THAP10: variants seen among roughly 807,000 people sequenced by gnomAD.
THAP10 encodes the protein THAP domain-containing protein 10.
THAP10 carries 10 observed loss-of-function variants against 15.7 expected under a neutral mutation model. That is an observed-to-expected ratio of 0.64 (90% CI 0.39 to 1.08). THAP10 has a LOEUF of 1.08. Ranked by LOEUF, THAP10 falls within the 50% of genes least tolerant of loss-of-function variation. The pLI, the probability that THAP10 is intolerant of heterozygous loss-of-function variation, is 0.01. For missense variants in THAP10, 310 were observed against 330.9 expected (o/e 0.94, Z 0.49); for synonymous variants, 127 against 129.1 (o/e 0.98, Z 0.11).
intron 1 of THAP10, among the ~76,000 whole-genome samples, chr15:70,885,381 C>T (rs1440398711): frequency 6.6e-6 from 1 of 152,122 alleles, no homozygotes; most frequent in Admixed American, 6.5e-5. Flanking sequence ...TACAAAAGTA[C>T]TATAAACCCT....
At position 70,884,301 on chromosome 15, in the gene THAP10, G is replaced by A. The variant is rs143183931; in HGVS notation, c.430-1393C>T. ...GCCTCCCAGCACTTCGGGAGGCTGA[G>A]GCAGGAAGATCACTTGAGGTCAGGA... On this transcript the variant is annotated intron_variant, in intron 1 of 2. Transcript: ENST00000249861. Among the ~76,000 whole-genome samples, 26 of 152,232 alleles carry A rather than the reference G, an allele frequency of 1.7e-4. No individual in the cohort carries two copies. In the East Asian group the frequency reaches 5.0e-3, roughly 29 times the overall value.
chr15:70,882,243 A>G lies in THAP10; in HGVS notation c.*211T>C, dbSNP rs1407978479. ...ACCAAAAGGATTAAAAGAAAAAAAA[A>G]GGTGAAAGTAGAGAATAGGGATGTT... On this transcript the variant is annotated 3_prime_UTR_variant, in exon 3 of 3. Transcript: ENST00000249861. 2.3e-6 allele frequency: 1 copy of G among 430,574 alleles called. No individual in the cohort carries two copies. Among genetic ancestry groups the G allele is most frequent in the Admixed American group, 3.9e-5 (1 of 25,666 alleles). 26.7% of individuals were successfully genotyped at this position (430,574 alleles called of 1,614,324 possible).
intron 1 of THAP10, 88 bp downstream of exon 1, chr15:70,891,756 T>G (rs2141093200): frequency 4.9e-5 from 59 of 1,214,192 alleles, no homozygotes; most frequent in Non-Finnish European, 6.2e-5. Flanking sequence ...ACTTTCGAGA[T>G]GAGGTGCCTT....
chr15:70,887,544 G>C (rs1389658683), intron 1 of THAP10, among the ~76,000 whole-genome samples: 3 of 152,018 alleles, frequency 2.0e-5, no homozygotes, highest in Non-Finnish European at 1.5e-5. Flanking sequence ...ACAACCATTT[G>C]ATAAAATTCA....
Position 70,886,331 on chromosome 15 carries a change from C to T in THAP10, c.430-3423G>A, listed in dbSNP as rs572249054. ...CAGGACCCAGATTTTCCTCTATCAACACCACTTTACTGAATTCTACATTTG... is the reference window on the plus strand; with the variant it reads ...CAGGACCCAGATTTTCCTCTATCAATACCACTTTACTGAATTCTACATTTG... On this transcript the variant is annotated intron_variant, in intron 1 of 2. Transcript: ENST00000249861. 4.6e-5 allele frequency among the ~76,000 whole-genome samples: 7 copies of T among 152,280 alleles called. No individual in the cohort carries two copies. The South Asian group carries it at 1.0e-3, about 23-fold the overall frequency.
chr15:70,891,581 G>A (rs992228421), intron 1 of THAP10, among the ~76,000 whole-genome samples: 1 of 45,784 alleles, frequency 2.2e-5, no homozygotes, highest in Non-Finnish European at 4.5e-5. Flanking sequence ...GTGTGTGTGT[G>A]TGTGTGTGTG....
intron 1 of THAP10, among the ~76,000 whole-genome samples, chr15:70,883,800 G>C (rs575729382): frequency 3.6e-4 from 54 of 151,942 alleles, no homozygotes; most frequent in Middle Eastern, 3.4e-3. Flanking sequence ...GATTACAGGT[G>C]CCTGCCACCA....
At chr15:70,886,029 C>A (rs996288719) in intron 1 of THAP10, among the ~76,000 whole-genome samples, 2 of 152,008 alleles carry the variant, frequency 1.3e-5, no homozygotes, top group African/African-American at 4.8e-5. Flanking sequence ...AAAAATTTAA[C>A]TAAAAAATGC....
intron 1 of THAP10, among the ~76,000 whole-genome samples, chr15:70,883,632 C>G (rs553443070): frequency 2.1e-4 from 31 of 150,778 alleles, no homozygotes; most frequent in African/African-American, 7.3e-4. Context: ...CTGAGAAAAA[C>G]TACATTGTGA....
chr15:70,889,220 C>T (rs1014521942), intron 1 of THAP10, among the ~76,000 whole-genome samples: 1 of 152,122 alleles, frequency 6.6e-6, no homozygotes, highest in African/African-American at 2.4e-5. Flanking sequence ...TTGGTATATT[C>T]ATACAATGGA....
chr15:70,891,797 G>T, intron 1 of THAP10, 47 bp downstream of exon 1: 1 of 1,462,290 alleles, frequency 6.8e-7, no homozygotes, highest in Non-Finnish European at 9.0e-7. Flanking sequence ...GAGGAGCCCA[G>T]CCAGAGTCCA....
chr15:70,891,159 T>C (rs919993215), intron 1 of THAP10, among the ~76,000 whole-genome samples: 4 of 152,160 alleles, frequency 2.6e-5, no homozygotes, highest in Non-Finnish European at 5.9e-5. Context: ...GCTGGAAAGT[T>C]TTCTTTAAAA....
chr15:70,882,842 A>C lies in THAP10; in HGVS notation c.496T>G (p.Ser166Ala). The change falls in exon 2 of 3, where the codon TCA becomes GCA. Residue 166 changes from serine to alanine, a missense_variant. Coordinates refer to ENST00000249861, the MANE Select transcript of THAP10 (RefSeq NM_020147.4). Reference protein sequence around the residue: ...HADNPSNTVTSVPTHCEEGPV... With the variant: ...HADNPSNTVTAVPTHCEEGPV... ...CCTTCTTCACAGTGAGTAGGTACTGAAGTGACAGTATTAGATGGATTATCA... is the reference window on the plus strand; with the variant it reads ...CCTTCTTCACAGTGAGTAGGTACTGCAGTGACAGTATTAGATGGATTATCA... 6.2e-7 allele frequency: 1 copy of C among 1,614,132 alleles called. No individual in the cohort carries two copies. Among genetic ancestry groups the C allele is most frequent in the Non-Finnish European group, 8.5e-7 (1 of 1,179,966 alleles).
Position 70,892,029 on chromosome 15 carries a change from C to T in THAP10, c.244G>A (p.Val82Met). ...TGCAGGGTGGGCACGGCGCCTGCCA[C>T]CAGCCTCAGGCGCTGGGAGAAGCGC... ...NLRFSQRLRL[V>M]AGAVPTLHRV... is the part of the protein sequence containing the mutation. Residue 82 changes from valine (V) to methionine (M), a missense_variant, in exon 1 of 3, where the codon GTG (valine) becomes ATG (methionine). Physicochemically the swap from Val to Met is conservative, Grantham distance 21. Transcript: ENST00000249861. 1.9e-6 allele frequency: 3 copies of T among 1,613,222 alleles called. No homozygotes were observed. The highest frequency in any genetic ancestry group is 2.5e-6 in the Non-Finnish European group (3 of 1,179,664).
intron 1 of THAP10, among the ~76,000 whole-genome samples, chr15:70,888,881 G>A (rs186013312): frequency 5.5e-4 from 83 of 152,190 alleles, no homozygotes; most frequent in East Asian, 5.8e-4. Context: ...ATCAGTAATC[G>A]GGGGATGAAA....
intron 1 of THAP10, among the ~76,000 whole-genome samples, chr15:70,886,154 C>T (rs780415916): frequency 6.6e-6 from 1 of 152,082 alleles, no homozygotes; most frequent in African/African-American, 2.4e-5. Context: ...ATACCTAAAA[C>T]TTGTAAGATT....
Position 70,882,659 on chromosome 15 carries a change from G to A in THAP10, c.578-9C>T. The A allele has an allele frequency of 1.2e-6, 2 of 1,613,116 alleles. No homozygotes were observed. Among genetic ancestry groups the A allele is most frequent in the Middle Eastern group, 1.7e-4 (1 of 6,050 alleles). ...CACTTTGGCTTGAATACCTGAAAGA[G>A]AATAAGCATAAGTACCTATGAGTTA... On this transcript the variant is annotated splice_polypyrimidine_tract_variant and intron_variant, in intron 2 of 2. Transcript: ENST00000249861.
intron 1 of THAP10, among the ~76,000 whole-genome samples, chr15:70,883,675 G>T (rs1162763653): frequency 6.7e-6 from 1 of 149,918 alleles, no homozygotes; most frequent in African/African-American, 2.5e-5. Flanking sequence ...TGAGACAGGG[G>T]TCTCCCTCTG....
At position 70,892,177 on chromosome 15, in the gene THAP10, G is replaced by A; in HGVS notation, c.96C>T (p.Leu32=). ...RFPKDRAVRL[L]WDRFVRGCRA... ...GGCAACCCCGCACGAAGCGGTCCCA[G>A]AGCAGCCGCACGGCCCGGTCCTTGG... The change falls in exon 1 of 3, where the codon CTC becomes CTT. Residue 32 remains leucine, a synonymous_variant. Coordinates refer to ENST00000249861, the MANE Select transcript of THAP10 (RefSeq NM_020147.4). 3.7e-6 allele frequency: 6 copies of A among 1,611,176 alleles called. No homozygotes were observed. The South Asian group carries it at 6.6e-5, about 18-fold the overall frequency.
Sources: gnomAD v4.1 joint callset for allele counts (sites outside exome capture counted in the v4.1 genomes callset) on GRCh38, gnomAD v4.1.1 for gene constraint, MANE v1.5 for transcripts, NCBI Gene and HGNC (gene_info 2026-07-23, HGNC 2026-07-21) for gene names.